ZNF407: variants seen among roughly 807,000 people sequenced by gnomAD.
ZNF407 encodes zinc finger protein 407.
Under a neutral mutation model 131.2 loss-of-function variants are expected in ZNF407, and 17 were observed. The observed-to-expected ratio is 0.13, with a 90% CI of 0.09 to 0.19. The LOEUF is 0.19. Ranked by LOEUF, ZNF407 falls within the 10% of genes least tolerant of loss-of-function variation. The probability of loss-of-function intolerance (pLI) is 1.00; values close to 1 mark genes in which losing one functional copy is unlikely to be tolerated. For synonymous variants in ZNF407, 1,156 were observed against 1,062.0 expected, an observed-to-expected ratio of 1.09 and a Z score of -1.72; for missense variants, 2,681 against 2,830.6, an observed-to-expected ratio of 0.95 and a Z score of 1.20.
chr18:75,061,885 A>G (rs1973638910), intron 8 of ZNF407: 2 of 152,132 alleles, frequency 1.3e-5, no homozygotes, highest in South Asian at 4.1e-4. Flanking sequence ...TCTTCTACAC[A>G]CGTTGTTTTC....
intron 8 of ZNF407, among the ~76,000 whole-genome samples, chr18:75,032,270 A>G (rs1973250213): frequency 6.6e-6 from 1 of 152,194 alleles, no homozygotes; most frequent in Non-Finnish European, 1.5e-5. Context: ...TTGCTTAGAT[A>G]ACACAGTTGC....
At chr18:74,773,321 G>A (rs1969399821) in intron 3 of ZNF407, among the ~76,000 whole-genome samples, 1 of 151,228 alleles carries the variant, frequency 6.6e-6, no homozygotes, top group African/African-American at 2.5e-5. Flanking sequence ...TAGTATGAAA[G>A]AGGAAGTGAT....
At chr18:74,791,641 A>G (rs7232965) in intron 4 of ZNF407, among the ~76,000 whole-genome samples, 6,171 of 152,224 alleles carry the variant, frequency 0.041, 154 homozygotes, top group South Asian at 0.075. Context: ...TTTATTTTCA[A>G]GGGTCAGATT....
intron 4 of ZNF407, among the ~76,000 whole-genome samples, chr18:74,796,487 G>A (rs1050347903): frequency 1.3e-5 from 2 of 152,172 alleles, no homozygotes; most frequent in South Asian, 2.1e-4. Flanking sequence ...TGTGTCACAC[G>A]AGGTTGTAAG....
chr18:74,826,422 T>C (rs150220028), intron 4 of ZNF407, among the ~76,000 whole-genome samples: 214 of 152,366 alleles, frequency 1.4e-3, no homozygotes, highest in African/African-American at 4.8e-3. Context: ...TCTTAGGCAG[T>C]TGGCTCAAGA....
chr18:74,996,978 G>T (rs1382501408), intron 8 of ZNF407, among the ~76,000 whole-genome samples: 2 of 152,118 alleles, frequency 1.3e-5, no homozygotes, highest in Non-Finnish European at 1.5e-5. Context: ...ATTTTAGCAA[G>T]GCAAAGTAAT....
At chr18:74,757,155 G>A (rs1968983058) in intron 3 of ZNF407, among the ~76,000 whole-genome samples, 1 of 151,812 alleles carries the variant, frequency 6.6e-6, no homozygotes, top group Non-Finnish European at 1.5e-5. Flanking sequence ...TCTAGTTTTA[G>A]TTATGGTGGA....
At chr18:75,027,035 A>G (rs926843543) in intron 8 of ZNF407, among the ~76,000 whole-genome samples, 1 of 152,260 alleles carries the variant, frequency 6.6e-6, no homozygotes, top group South Asian at 2.1e-4. Flanking sequence ...CAAAGAAAGC[A>G]GTATGTGGCC....
chr18:74,989,738 G>A (rs554004793), intron 8 of ZNF407, among the ~76,000 whole-genome samples: 1 of 151,898 alleles, frequency 6.6e-6, no homozygotes, highest in African/African-American at 2.4e-5. Context: ...AGCTACTCAG[G>A]AGGCCAAGGC....
chr18:74,657,901 T>TTTCTTCTTCTTCTTCTTCTTCTTCTTC (rs58407278), intron 3 of ZNF407, among the ~76,000 whole-genome samples: 20 of 147,778 alleles, frequency 1.4e-4, no homozygotes, highest in African/African-American at 4.1e-4. Context: ...CTCCTTTTCC[T>TTTCTTCTTCTTCTTCTTCTTCTTCTTC]TTCTTCTTCT....
intron 8 of ZNF407, among the ~76,000 whole-genome samples, chr18:75,060,507 C>CTTTTTTT (rs564194650): frequency 4.8e-5 from 6 of 124,460 alleles, no homozygotes; most frequent in African/African-American, 6.2e-5. Flanking sequence ...TTCTTTTTTT[C>CTTTTTTT]TTTTTTTTTT....
intron 4 of ZNF407, among the ~76,000 whole-genome samples, chr18:74,862,757 C>G (rs960400441): frequency 6.6e-6 from 1 of 152,004 alleles, no homozygotes; most frequent in African/African-American, 2.4e-5. Context: ...GCTTTGCTTC[C>G]CTTTTTGCCA....
intron 8 of ZNF407, among the ~76,000 whole-genome samples, chr18:74,986,847 T>C (rs577711147): frequency 6.6e-6 from 1 of 152,350 alleles, no homozygotes; most frequent in South Asian, 2.1e-4. Context: ...TTCTTCTATT[T>C]TTTCTCTTAG....
At chr18:74,963,473 AC>A (rs756956527) in intron 8 of ZNF407, among the ~76,000 whole-genome samples, 23 of 152,254 alleles carry the variant, frequency 1.5e-4, no homozygotes, top group Non-Finnish European at 2.5e-4. Flanking sequence ...TCTTGGTCAA[AC>A]CCTGATACAT....
chr18:74,639,799 T>C (rs1275154623), intron 2 of ZNF407, among the ~76,000 whole-genome samples: 1 of 152,180 alleles, frequency 6.6e-6, no homozygotes, highest in Non-Finnish European at 1.5e-5. Context: ...TTTTGTCAGC[T>C]TTTGGGAATT....
intron 8 of ZNF407, among the ~76,000 whole-genome samples, chr18:75,033,738 G>A (rs184646588): frequency 2.7e-3 from 411 of 152,252 alleles, no homozygotes; most frequent in African/African-American, 9.4e-3. Context: ...GCATTGCAGC[G>A]GGAGACCTAA....
intron 1 of ZNF407, among the ~76,000 whole-genome samples, chr18:74,628,404 G>A (rs74621296): frequency 0.013 from 1,989 of 152,036 alleles, 51 homozygotes; most frequent in African/African-American, 0.046. Flanking sequence ...TCTCCATTCT[G>A]CCTGCCTACC....
chr18:74,899,644 CAAG>C (rs1971497122), intron 7 of ZNF407, among the ~76,000 whole-genome samples: 1 of 152,254 alleles, frequency 6.6e-6, no homozygotes, highest in South Asian at 2.1e-4. Context: ...AAAAGTGAAA[CAAG>C]AAGAGAGGCA....
chr18:74,607,668 A>G (rs1982869443), intron 1 of ZNF407, among the ~76,000 whole-genome samples: 1 of 152,186 alleles, frequency 6.6e-6, no homozygotes, highest in South Asian at 2.1e-4. Context: ...TATAGGAGTG[A>G]AAAATTAGTT....
Sources: allele counts gnomAD v4.1 joint callset (sites outside exome capture counted in the v4.1 genomes callset), GRCh38; gene constraint gnomAD v4.1.1; transcripts MANE v1.5; gene names NCBI Gene and HGNC (gene_info 2026-07-23, HGNC 2026-07-21).